ASPHD2: variants seen among roughly 807,000 people sequenced by gnomAD.
ASPHD2 encodes aspartate beta-hydroxylase domain-containing protein 2.
ASPHD2 carries 12 observed loss-of-function variants against 34.6 expected under a neutral mutation model. The observed-to-expected ratio is 0.35, with a 90% CI of 0.22 to 0.56. ASPHD2 has a LOEUF of 0.56. Ranked by LOEUF, ASPHD2 falls within the 20% of genes least tolerant of loss-of-function variation. ASPHD2 has a pLI of 0.87. For missense variants in ASPHD2, 375 were observed against 505.0 expected, an observed-to-expected ratio of 0.74 and a Z score of 2.47; for synonymous variants, 224 against 212.2, an observed-to-expected ratio of 1.06 and a Z score of -0.48.
chr22:26,436,530 G>A (rs950193762), intron 2 of ASPHD2, among the ~76,000 whole-genome samples: 3 of 152,196 alleles, frequency 2.0e-5, no homozygotes, highest in African/African-American at 7.2e-5. Context: ...GGGGAAGCCG[G>A]GTCTAGGCTT....
intron 1 of ASPHD2, among the ~76,000 whole-genome samples, chr22:26,430,251 A>G (rs556865118): frequency 3.9e-5 from 6 of 152,308 alleles, no homozygotes; most frequent in Admixed American, 2.0e-4. Context: ...ACTCTTTGGC[A>G]TTAGGCAGCC....
In ASPHD2 at chr22:26,433,803, C is replaced by T; in HGVS notation, c.188C>T (p.Thr63Ile). ...GACTGCGACACCACCGCTGTCATCA[C>T]TGTGGCCTGCCTCCTGGTCCTCTTC... ...VRDCDTTAVI[T>I]VACLLVLFVW... The change falls in exon 2 of 4, where the codon ACT becomes ATT. Residue 63 changes from threonine to isoleucine, a missense_variant. Transcript: ENST00000215906. This position sits in a 1 kb window ranked among gnomAD's most constrained non-coding sequence, Gnocchi z 5.1. 6.2e-7 allele frequency: 1 copy of T among 1,613,996 alleles called. No homozygotes were observed. The highest frequency in any genetic ancestry group is 8.5e-7 in the Non-Finnish European group (1 of 1,179,998).
Position 26,433,878 on chromosome 22 carries a change from C to T in ASPHD2, c.263C>T (p.Ser88Phe). The change falls in exon 2 of 4, where the codon TCC (serine) becomes TTC (phenylalanine). Residue 88 changes from serine (S) to phenylalanine (F), a missense_variant. By Grantham distance (155) the Ser-to-Phe change is radical. Around this residue, in one of 3 missense-constraint regions of ASPHD2, gnomAD observed 223 missense variants for 257.8 expected, o/e 0.87. Coordinates refer to ENST00000215906, the MANE Select transcript of ASPHD2 (RefSeq NM_020437.5). The surrounding 1 kb of genome is among the most constrained non-coding windows in gnomAD (Gnocchi z 5.1). ...VGREQPRPYV[S>F]VNSLMQAADA... ...AGGGAGCAGCCCCGGCCCTACGTCT[C>T]CGTCAACTCCCTCATGCAGGCTGCC... The T allele has an allele frequency of 2.5e-6, 4 of 1,613,842 alleles. No homozygotes were observed. The highest frequency in any genetic ancestry group is 3.4e-6 in the Non-Finnish European group (4 of 1,180,036).
intron 2 of ASPHD2, among the ~76,000 whole-genome samples, chr22:26,438,568 C>T (rs1038304576): frequency 7.8e-6 from 1 of 128,856 alleles, no homozygotes; most frequent in Non-Finnish European, 1.6e-5. Context: ...CATATATACA[C>T]ATACATATAT....
rs1459527596 is a variant in ASPHD2 at position 26,429,305 on chromosome 22, C to G, written c.-406C>G. ...CGCGGAGCGCAGCGCGGCGTCGGCA[C>G]CGGCAGGGGCACCGGCGCGGCTTAG... On this transcript the variant is annotated 5_prime_UTR_variant, in exon 1 of 4. Coordinates refer to ENST00000215906, the MANE Select transcript of ASPHD2 (RefSeq NM_020437.5). The surrounding 1 kb of genome is among the most constrained non-coding windows in gnomAD (Gnocchi z 4.5). 6.7e-6 allele frequency: 1 copy of G among 149,428 alleles called. No homozygotes were observed. Among genetic ancestry groups the G allele is most frequent in the Non-Finnish European group, 1.5e-5 (1 of 66,862 alleles). 9.3% of individuals were successfully genotyped at this position (149,428 alleles called of 1,614,324 possible). A position where few individuals can be genotyped will look rare whatever the true frequency, so the allele number is the denominator to read the frequency against.
Position 26,433,433 on chromosome 22 carries a change from C to T in ASPHD2, c.-183C>T. On this transcript the variant is annotated 5_prime_UTR_variant, in exon 2 of 4. Coordinates refer to ENST00000215906, the MANE Select transcript of ASPHD2 (RefSeq NM_020437.5). The surrounding 1 kb of genome is among the most constrained non-coding windows in gnomAD (Gnocchi z 5.1). Reference sequence around the variant, plus strand: ...CAAATCCTTTCACAGGGACCGACGGCACTTGATAATGTGACAAAAACCAGC... The same window carrying T: ...CAAATCCTTTCACAGGGACCGACGGTACTTGATAATGTGACAAAAACCAGC... 1.7e-6 allele frequency: 1 copy of T among 576,532 alleles called. No homozygotes were observed. The allele number at this position is 576,532 out of a possible 1,614,324, so 35.7% of individuals were successfully genotyped here.
Position 26,434,086 on chromosome 22 carries a change from C to T in ASPHD2, c.471C>T (p.Asn157=). 1 of 1,613,174 alleles carries T rather than the reference C, an allele frequency of 6.2e-7. No homozygotes were observed. The highest frequency in any genetic ancestry group is 1.3e-5 in the African/African-American group (1 of 75,016). The change falls in exon 2 of 4, where the codon AAC becomes AAT. Residue 157 remains asparagine, a synonymous_variant. Transcript: ENST00000215906. The stretch of plus-strand genomic sequence containing the variant: ...TCCGCGAGCAGGGCCGGTACCTCAA[C>T]AGCCGGCCCTCCATCCAGAAGCCCG... ...KGIREQGRYL[N]SRPSIQKPEV...
chr22:26,438,610 T>TATATATACACACATATATATAC (rs1568984076), intron 2 of ASPHD2, among the ~76,000 whole-genome samples: 1 of 47,016 alleles, frequency 2.1e-5, no homozygotes, highest in African/African-American at 8.1e-5. Flanking sequence ...CATATATACA[T>TATATATACACACATATATATAC]ATATATATAC....
intron 3 of ASPHD2, 98 bp downstream of exon 3, chr22:26,442,670 C>A: frequency 1.1e-6 from 1 of 906,406 alleles, no homozygotes; most frequent in Non-Finnish European, 1.7e-6. Flanking sequence ...CAGAAAGTAC[C>A]AAGGAGGCCC....
At position 26,434,331 on chromosome 22, in the gene ASPHD2, G is replaced by A. The variant is rs150592332; in HGVS notation, c.716G>A (p.Cys239Tyr). The A allele has an allele frequency of 3.6e-5, 58 of 1,614,100 alleles. No individual in the cohort carries two copies. Among genetic ancestry groups the A allele is most frequent in the Non-Finnish European group, 4.7e-5 (55 of 1,180,044 alleles). Residue 239 changes from cysteine to tyrosine, a missense_variant, in exon 2 of 4, where the codon TGT (cysteine) becomes TAT (tyrosine). This residue lies in a region of ASPHD2 where 142 missense variants were observed against 217.9 expected (regional missense o/e 0.65). Coordinates refer to ENST00000215906, the MANE Select transcript of ASPHD2 (RefSeq NM_020437.5). ...TTTTACTTGGTCAATCAGGGGGTTTGTGTTCCCAGGAACTGTAGGAAGTGC... is the reference window on the plus strand; with the variant it reads ...TTTTACTTGGTCAATCAGGGGGTTTATGTTCCCAGGAACTGTAGGAAGTGC... ...FTFYLVNQGV[C>Y]VPRNCRKCPR...
rs2084744766 is a variant in ASPHD2, at chr22:26,429,658, T to G, written c.-225+172T>G. On this transcript the variant is annotated intron_variant, in intron 1 of 3. Coordinates refer to ENST00000215906, the MANE Select transcript of ASPHD2 (RefSeq NM_020437.5). This position sits in a 1 kb window ranked among gnomAD's most constrained non-coding sequence, Gnocchi z 4.5. Reference sequence around the variant, plus strand: ...ATGCTCCGGGACCCGGGCGCCCGCATCCCGGCCCGGCCGAGGCCAGTGCTC... The same window carrying G: ...ATGCTCCGGGACCCGGGCGCCCGCAGCCCGGCCCGGCCGAGGCCAGTGCTC... 1.3e-5 allele frequency among the ~76,000 whole-genome samples: 2 copies of G among 151,692 alleles called. No homozygotes were observed. Among genetic ancestry groups the G allele is most frequent in the African/African-American group, 4.8e-5 (2 of 41,330 alleles).
intron 2 of ASPHD2, among the ~76,000 whole-genome samples, chr22:26,442,250 C>A (rs1344564275): frequency 6.6e-6 from 1 of 152,198 alleles, no homozygotes; most frequent in Non-Finnish European, 1.5e-5. Flanking sequence ...CACCTCCTAA[C>A]ACCATCACCT....
chr22:26,434,446 G>A lies in ASPHD2; in HGVS notation c.831G>A (p.Gly277=), dbSNP rs985583764. ...CGTGCATCTCTGTGCTGAGCCCTGG[G>A]ACTGTGATAACGGAGCACTATGGAC... ...GNACISVLSP[G]TVITEHYGPT... is the part of the protein sequence containing the mutation. The change falls in exon 2 of 4, where the codon GGG becomes GGA. Residue 277 remains glycine (G), a synonymous_variant. Coordinates refer to ENST00000215906, the MANE Select transcript of ASPHD2 (RefSeq NM_020437.5). 5 of 1,613,086 alleles carry A rather than the reference G, an allele frequency of 3.1e-6. No homozygotes were observed. The African/African-American group carries it at 4.0e-5, about 13-fold the overall frequency.
Position 26,434,401 on chromosome 22 carries a change from G to A in ASPHD2, c.786G>A (p.Gly262=). 2 of 1,614,166 alleles carry A rather than the reference G, an allele frequency of 1.2e-6. No individual in the cohort carries two copies. The highest frequency in any genetic ancestry group is 4.5e-5 in the East Asian group (2 of 44,872). The part of the protein sequence containing the change: ...RLLGSLRTCI[G]NNVFGNACIS... ...TCGGAAGCCTTCGGACCTGTATTGG[G>A]AACAATGTTTTTGGGAACGCGTGCA... is the stretch of plus-strand genomic sequence containing the variant. The change falls in exon 2 of 4, where the codon GGG becomes GGA. Residue 262 remains glycine (G), a synonymous_variant. Coordinates refer to ENST00000215906, the MANE Select transcript of ASPHD2 (RefSeq NM_020437.5).
chr22:26,443,308 C>A lies in ASPHD2; in HGVS notation c.*102C>A. ...CCGGTGTTGTTTCCATGCTCAGAAA[C>A]CTGCCTCAGCGGAAAGCTCTTATTT... On this transcript the variant is annotated 3_prime_UTR_variant, in exon 4 of 4. Transcript: ENST00000215906. 2 of 934,472 alleles carry A rather than the reference C, an allele frequency of 2.1e-6. No homozygotes were observed. The highest frequency in any genetic ancestry group is 1.5e-5 in the South Asian group (1 of 68,546). 57.9% of individuals were successfully genotyped at this position (934,472 alleles called of 1,614,324 possible). A position where few individuals can be genotyped will look rare whatever the true frequency, so the allele number is the denominator to read the frequency against.
chr22:26,430,559 G>T (rs1260968224), intron 1 of ASPHD2, among the ~76,000 whole-genome samples: 1 of 152,218 alleles, frequency 6.6e-6, no homozygotes, highest in East Asian at 1.9e-4. Flanking sequence ...AGCTGTCGGG[G>T]GAGAGAGTCT....
intron 2 of ASPHD2, among the ~76,000 whole-genome samples, chr22:26,435,426 G>A (rs2084784591): frequency 6.6e-6 from 1 of 152,250 alleles, no homozygotes; most frequent in African/African-American, 2.4e-5. Flanking sequence ...TAGTATCTCA[G>A]ATTAGAGTGT....
chr22:26,433,912 C>T lies in ASPHD2; in HGVS notation c.297C>T (p.Asn99=), dbSNP rs1053734918. 1.9e-5 allele frequency: 30 copies of T among 1,613,524 alleles called. No individual in the cohort carries two copies. The highest frequency in any genetic ancestry group is 2.4e-5 in the Non-Finnish European group (28 of 1,180,044). Residue 99 remains asparagine (N), a synonymous_variant, in exon 2 of 4, where the codon AAC becomes AAT. Coordinates refer to ENST00000215906, the MANE Select transcript of ASPHD2 (RefSeq NM_020437.5). The surrounding 1 kb of genome is among the most constrained non-coding windows in gnomAD (Gnocchi z 5.1). ...CCCTCATGCAGGCTGCCGATGCCAACGGGCTGCAGAATGGCTACGTGTACT... is the reference window on the plus strand; with the variant it reads ...CCCTCATGCAGGCTGCCGATGCCAATGGGCTGCAGAATGGCTACGTGTACT... ...VNSLMQAADA[N]GLQNGYVYCQ...
intron 1 of ASPHD2, among the ~76,000 whole-genome samples, chr22:26,431,999 C>T (rs973493700): frequency 6.6e-6 from 1 of 152,194 alleles, no homozygotes; most frequent in African/African-American, 2.4e-5. Context: ...ATTTCAAGAC[C>T]AGCCTGACCA....
Sources: allele counts gnomAD v4.1 joint callset (sites outside exome capture counted in the v4.1 genomes callset), GRCh38; gene constraint gnomAD v4.1.1; regional missense constraint gnomAD v4.1.1; non-coding constraint Gnocchi (gnomAD v3.1); transcripts MANE v1.5; gene names NCBI Gene and HGNC (gene_info 2026-07-23, HGNC 2026-07-21).